The following EVI5L variants were observed in gnomAD, a reference collection of about 807,000 sequenced individuals.
EVI5L encodes the protein ecotropic viral integration site 5 like.
Under a neutral mutation model 106.1 loss-of-function variants are expected in EVI5L, and 30 were observed. The observed-to-expected ratio is 0.28, with a 90% CI of 0.21 to 0.38. The LOEUF (loss-of-function observed/expected upper bound fraction) is 0.38, where lower values mean the gene tolerates loss of function less well. Ranked by LOEUF, EVI5L falls within the 10% of genes least tolerant of loss-of-function variation. The probability of loss-of-function intolerance (pLI) is 1.00; values close to 1 mark genes in which losing one functional copy is unlikely to be tolerated. For missense variants in EVI5L, 809 were observed against 1,098.0 expected, an observed-to-expected ratio of 0.74 and a Z score of 3.72; for synonymous variants, 489 against 483.3, an observed-to-expected ratio of 1.01 and a Z score of -0.15.
Position 7,846,690 on chromosome 19 carries a change from G to T in EVI5L, c.137+11G>T. ...CGAAGAGCAGAACCGGTGAGTTGGG[G>T]GCTGGGGGATGGGGTGAAATCTTGG... On this transcript the variant is annotated intron_variant, in intron 2 of 19. Coordinates refer to ENST00000538904, the MANE Select transcript of EVI5L (RefSeq NM_001159944.3). 6.2e-7 allele frequency: 1 copy of T among 1,610,108 alleles called. No homozygotes were observed. Among genetic ancestry groups the T allele is most frequent in the Non-Finnish European group, 8.5e-7 (1 of 1,178,680 alleles).
In EVI5L at chr19:7,854,641, G is replaced by C. The variant is rs560529518; in HGVS notation, c.1146+1308G>C. 1.8e-4 allele frequency among the ~76,000 whole-genome samples: 28 copies of C among 152,308 alleles called. 1 individual carries two copies. In the South Asian group the frequency reaches 5.6e-3, roughly 30 times the overall value. ...GAAATAAATACAAAAGGTGTGCCCA[G>C]CTCCTGCAAGGATGGCTGTGCTTGG... is the stretch of plus-strand genomic sequence containing the variant. On this transcript the variant is annotated intron_variant, in intron 10 of 19. Transcript: ENST00000538904.
At position 7,849,364 on chromosome 19, in the gene EVI5L, G is replaced by A. The variant is rs545820723; in HGVS notation, c.627+34G>A. ...CTGGGGGGTGGCTGGGCTCCTGCCA[G>A]ACAACAGCCCACCCTGGGCTCGGCC... On this transcript the variant is annotated intron_variant, in intron 5 of 19. Transcript: ENST00000538904. 4 of 1,610,248 alleles carry A rather than the reference G, an allele frequency of 2.5e-6. No individual in the cohort carries two copies. In the East Asian group the frequency reaches 6.7e-5, roughly 27 times the overall value.
At position 7,862,991 on chromosome 19, in the gene EVI5L, C is replaced by T; in HGVS notation, c.1967C>T (p.Ala656Val). 2 of 1,574,940 alleles carry T rather than the reference C, an allele frequency of 1.3e-6. No homozygotes were observed. The highest frequency in any genetic ancestry group is 1.7e-6 in the Non-Finnish European group (2 of 1,168,862). The change falls in exon 18 of 20, where the codon GCT becomes GTT. Residue 656 changes from alanine to valine, a missense_variant. Physicochemically the swap from Ala to Val is moderately conservative, Grantham distance 64. Around this residue, in one of 2 missense-constraint regions of EVI5L, gnomAD observed 452 missense variants for 509.9 expected, o/e 0.89. Coordinates refer to ENST00000538904, the MANE Select transcript of EVI5L (RefSeq NM_001159944.3). ...CCCCAGAGCAAGGAGGAGGTGATGG[C>T]TGTGCGACTGCGGGAGGCGGACAGC... ...AECKSKEEVM[A>V]VRLREADSMA...
chr19:7,852,388 A>T (rs1021256466), intron 8 of EVI5L, among the ~76,000 whole-genome samples: 4 of 152,188 alleles, frequency 2.6e-5, no homozygotes, highest in African/African-American at 9.7e-5. Context: ...GGCCGGGTGC[A>T]GGAGCTGTGT....
intron 1 of EVI5L, among the ~76,000 whole-genome samples, chr19:7,842,819 A>G (rs1978699498): frequency 6.7e-6 from 1 of 149,892 alleles, no homozygotes; most frequent in South Asian, 2.1e-4. Flanking sequence ...GAGTGTGCAC[A>G]TGTGTGTGTG....
At position 7,845,026 on chromosome 19, in the gene EVI5L, G is replaced by C. The variant is rs372163246; in HGVS notation, c.-47-1470G>C. Among the ~76,000 whole-genome samples the C allele has an allele frequency of 1.2e-4, 19 of 152,142 alleles. No individual in the cohort carries two copies. The East Asian group carries it at 2.1e-3, about 17-fold the overall frequency. ...AACGGTAGTCAGGCAGGTATAGAGT[G>C]GTCTGCTATGGTCCCGCCAATGTCC... On this transcript the variant is annotated intron_variant, in intron 1 of 19. Coordinates refer to ENST00000538904, the MANE Select transcript of EVI5L (RefSeq NM_001159944.3). The surrounding 1 kb of genome is among the most constrained non-coding windows in gnomAD (Gnocchi z 4.0).
chr19:7,853,563 C>T, intron 10 of EVI5L: 1 of 602,448 alleles, frequency 1.7e-6, no homozygotes, highest in South Asian at 2.0e-5. Flanking sequence ...AGGTCCCTGC[C>T]CCGCTGGGCC....
In EVI5L at chr19:7,853,261, C is replaced by T; in HGVS notation, c.1086-12C>T. 1 of 1,613,882 alleles carries T rather than the reference C, an allele frequency of 6.2e-7. No homozygotes were observed. Among genetic ancestry groups the T allele is most frequent in the Non-Finnish European group, 8.5e-7 (1 of 1,179,952 alleles). On this transcript the variant is annotated splice_polypyrimidine_tract_variant and intron_variant, in intron 9 of 19. Coordinates refer to ENST00000538904, the MANE Select transcript of EVI5L (RefSeq NM_001159944.3). ...GGCATGACAGTAACCACGGGGCCCT[C>T]CCGATCTGCAGGCTGGAGAAGGAGT...
intron 8 of EVI5L, 149 bp downstream of exon 8, chr19:7,851,919 C>A: frequency 1.5e-6 from 1 of 682,452 alleles, no homozygotes; most frequent in South Asian, 3.2e-5. Flanking sequence ...CCACTCTGTT[C>A]CCCTGAGGTC....
rs1267395339 is a variant in EVI5L at position 7,847,923 on chromosome 19, TG to T, written c.327+8del. 3.9e-6 allele frequency: 6 copies of T among 1,540,368 alleles called. No individual in the cohort carries two copies. The highest frequency in any genetic ancestry group is 2.0e-4 in the Middle Eastern group (1 of 4,978). On this transcript the variant is annotated splice_donor_region_variant and intron_variant, in intron 3 of 19. Coordinates refer to ENST00000538904, the MANE Select transcript of EVI5L (RefSeq NM_001159944.3). ...CGCAGGAAGGAGAAGCTGCTCAAGG[TG>T]GGGGGCGGCCAGGCAGGCAGGGCTG...
At chr19:7,844,540 C>T (rs1178074791) in intron 1 of EVI5L, among the ~76,000 whole-genome samples, 1 of 152,166 alleles carries the variant, frequency 6.6e-6, no homozygotes, top group Non-Finnish European at 1.5e-5. Flanking sequence ...CCCTCCCTGC[C>T]CAGAGAGGTC....
At position 7,858,203 on chromosome 19, in the gene EVI5L, C is replaced by A. The variant is rs373772758; in HGVS notation, c.1246C>A (p.Arg416=). 6.4e-6 allele frequency: 10 copies of A among 1,564,072 alleles called. No individual in the cohort carries two copies. In the African/African-American group the frequency reaches 1.1e-4, roughly 17 times the overall value. ...TCGCTGTTCTCAGGGGCAAGTGACA[C>A]GGGCGCAGGAGGCGGAGGAGAACTA... ...ADRLIQGQVT[R]AQEAEENYVI... is the part of the protein sequence containing the mutation. The change falls in exon 13 of 20, where the codon CGG becomes AGG. Residue 416 remains arginine (R), a synonymous_variant. Transcript: ENST00000538904. This position sits in a 1 kb window ranked among gnomAD's most constrained non-coding sequence, Gnocchi z 5.7.
chr19:7,833,630 C>T (rs1978305580), intron 1 of EVI5L, among the ~76,000 whole-genome samples: 1 of 152,342 alleles, frequency 6.6e-6, no homozygotes, highest in Admixed American at 6.5e-5. Flanking sequence ...AGTGCTTGGA[C>T]ACACGCCCAA....
chr19:7,860,709 G>A lies in EVI5L; in HGVS notation c.1503+20G>A, dbSNP rs748098736. On this transcript the variant is annotated intron_variant, in intron 14 of 19. Transcript: ENST00000538904. ...GAAAAGGTGCAATGGGGAGGCAGAC[G>A]GGCAGGTGTCGGGGGGACCCTGGGG... 9.6e-6 allele frequency: 15 copies of A among 1,564,222 alleles called. No homozygotes were observed. The highest frequency in any genetic ancestry group is 2.4e-5 in the East Asian group (1 of 42,386).
intron 1 of EVI5L, among the ~76,000 whole-genome samples, chr19:7,843,662 GTA>G: frequency 6.7e-6 from 1 of 148,810 alleles, no homozygotes; most frequent in African/African-American, 2.4e-5. Flanking sequence ...GCATGTGTGT[GTA>G]TAGGTGTATG....
rs1979821179 is a variant in EVI5L at position 7,861,975 on chromosome 19, G to A, written c.1601G>A (p.Arg534Gln). The A allele has an allele frequency of 1.3e-6, 2 of 1,549,618 alleles. No homozygotes were observed. Among genetic ancestry groups the A allele is most frequent in the East Asian group, 2.4e-5 (1 of 40,932 alleles). ...VREGQAVAST[R>Q]ELKLQLQELS... ...GAAGGCCAGGCGGTGGCCTCGACGCGAGAGCTTAAACTGCAGCTGCAGGAG... is the reference window on the plus strand; with the variant it reads ...GAAGGCCAGGCGGTGGCCTCGACGCAAGAGCTTAAACTGCAGCTGCAGGAG... The change falls in exon 15 of 20, where the codon CGA becomes CAA. Residue 534 changes from arginine to glutamine, a missense_variant. Physicochemically the swap from Arg to Gln is conservative, Grantham distance 43. Coordinates refer to ENST00000538904, the MANE Select transcript of EVI5L (RefSeq NM_001159944.3).
intron 1 of EVI5L, among the ~76,000 whole-genome samples, chr19:7,837,260 G>A (rs1487836639): frequency 6.6e-6 from 1 of 151,696 alleles, no homozygotes; most frequent in Non-Finnish European, 1.5e-5. Context: ...GAACCTGGGA[G>A]GTGGAGGTTG....
chr19:7,862,065 T>G, intron 15 of EVI5L, 47 bp downstream of exon 15: 2 of 1,544,816 alleles, frequency 1.3e-6, no homozygotes, highest in South Asian at 1.2e-5. Context: ...CCTAGGGCCA[T>G]CCCCTCGGGG....
chr19:7,860,816 GCA>G lies in EVI5L; in HGVS notation c.1503+136_1503+137del, dbSNP rs1471732654. On this transcript the variant is annotated intron_variant, in intron 14 of 19. Transcript: ENST00000538904. ...CCCATGCACACACAACCATACATAT[GCA>G]CACACACAGCACAACCCCACGCGGG... 3.1e-5 allele frequency: 35 copies of G among 1,139,512 alleles called. No homozygotes were observed. In the East Asian group the frequency reaches 9.1e-4, roughly 30 times the overall value. The allele number at this position is 1,139,512 out of a possible 1,614,324, so 70.6% of individuals were successfully genotyped here. A position where few individuals can be genotyped will look rare whatever the true frequency, so the allele number is the denominator to read the frequency against.
Sources: gnomAD v4.1 joint callset for allele counts (sites outside exome capture counted in the v4.1 genomes callset) on GRCh38, gnomAD v4.1.1 for gene constraint, gnomAD v4.1.1 regional missense constraint, Gnocchi (gnomAD v3.1) non-coding constraint, MANE v1.5 for transcripts, NCBI Gene and HGNC (gene_info 2026-07-23, HGNC 2026-07-21) for gene names.